The following RETREG2 variants were observed in gnomAD, a reference collection of about 807,000 sequenced individuals.
RETREG2 encodes the protein reticulophagy regulator 2.
Under a neutral mutation model 51.6 loss-of-function variants are expected in RETREG2, and 21 were observed. That is an observed-to-expected ratio of 0.41 (90% CI 0.29 to 0.59). The LOEUF is 0.59. Among genes scored for constraint, RETREG2 ranks in the 20% least tolerant of loss-of-function variants. RETREG2 has a pLI of 0.34. For synonymous variants in RETREG2, 339 were observed against 288.6 expected (o/e 1.17, Z -1.77); for missense variants, 674 against 646.0 (o/e 1.04, Z -0.47).
Position 219,182,246 on chromosome 2 carries a change from T to TC in RETREG2, c.1256dup (p.Asp420ArgfsTer40). 3.1e-6 allele frequency: 5 copies of TC among 1,613,348 alleles called. No homozygotes were observed. Among genetic ancestry groups the TC allele is most frequent in the Non-Finnish European group, 4.2e-6 (5 of 1,179,828 alleles). ...GAACACGCACTTCAATGGGGCAGGG[T>TC]CCCCCCCAGATGGAGTGAAATGCTC... is the stretch of plus-strand genomic sequence containing the variant. On this transcript the variant is annotated frameshift_variant, in exon 9 of 9. Transcript: ENST00000430297. LOFTEE classifies it high-confidence loss of function.
intron 7 of RETREG2, 59 bp from the exon 8 acceptor site, chr2:219,181,581 C>T (rs1950279743): frequency 6.2e-7 from 1 of 1,604,716 alleles, no homozygotes; most frequent in South Asian, 1.1e-5. Context: ...GGGGATGCTC[C>T]TGATAAATTG....
At chr2:219,179,944 G>A (rs866415403) in intron 3 of RETREG2, 166 bp from the exon 4 acceptor site, 3 of 1,151,210 alleles carry the variant, frequency 2.6e-6, no homozygotes, top group South Asian at 1.4e-5. Context: ...TTGGGGCAGA[G>A]GGTTGGGTCC....
At position 219,182,834 on chromosome 2, in the gene RETREG2, T is replaced by G. The variant is rs991698330; in HGVS notation, c.*205T>G. 9 of 622,328 alleles carry G rather than the reference T, an allele frequency of 1.4e-5. No individual in the cohort carries two copies. The highest frequency in any genetic ancestry group is 5.5e-5 in the African/African-American group (3 of 54,288). The allele number at this position is 622,328 out of a possible 1,614,324, so 38.6% of individuals were successfully genotyped here. ...CTGTGCCTAGGATTGGTTTTAAATT[T>G]GTAAATAATTTTCCATTTGGGTTAG... On this transcript the variant is annotated 3_prime_UTR_variant, in exon 9 of 9. Transcript: ENST00000430297.
In RETREG2 at chr2:219,181,384, A is replaced by T; in HGVS notation, c.800A>T (p.Asn267Ile). ...GCTTTTCTAGAGCGTCAGGGGAAGA[A>T]TGCACCCCCAGGAGGTGATGAGCCA... ...KHDKRKRQGKNAPPGGDEPLA... is the reference protein window; with the variant it reads ...KHDKRKRQGKIAPPGGDEPLA... Residue 267 changes from asparagine (N) to isoleucine (I), a missense_variant, in exon 7 of 9, where the codon AAT becomes ATT. Physicochemically the swap from Asn to Ile is moderately radical, Grantham distance 149 (BLOSUM62 -3). Coordinates refer to ENST00000430297, the MANE Select transcript of RETREG2 (RefSeq NM_024293.6). 1 of 1,614,064 alleles carries T rather than the reference A, an allele frequency of 6.2e-7. No individual in the cohort carries two copies. The highest frequency in any genetic ancestry group is 8.5e-7 in the Non-Finnish European group (1 of 1,180,010).
Position 219,182,790 on chromosome 2 carries a change from C to A in RETREG2, c.*161C>A. On this transcript the variant is annotated 3_prime_UTR_variant, in exon 9 of 9. Coordinates refer to ENST00000430297, the MANE Select transcript of RETREG2 (RefSeq NM_024293.6). ...CTCTGCCTGCCTGCCTGCCTGCTGTCCTGGGCATGGTGCAGTACCTGTGCC... is the reference window on the plus strand; with the variant it reads ...CTCTGCCTGCCTGCCTGCCTGCTGTACTGGGCATGGTGCAGTACCTGTGCC... 1.3e-6 allele frequency: 1 copy of A among 775,570 alleles called. No homozygotes were observed. The highest frequency in any genetic ancestry group is 1.7e-5 in the African/African-American group (1 of 57,586). 48.0% of individuals were successfully genotyped at this position (775,570 alleles called of 1,614,324 possible). A position where few individuals can be genotyped will look rare whatever the true frequency, so the allele number is the denominator to read the frequency against.
At position 219,182,010 on chromosome 2, in the gene RETREG2, C is replaced by T. The variant is rs753441233; in HGVS notation, c.1016-3C>T. The T allele has an allele frequency of 1.9e-6, 3 of 1,612,700 alleles. No homozygotes were observed. The highest frequency in any genetic ancestry group is 1.1e-5 in the South Asian group (1 of 91,042). ...CATTCTTAATTCTTTGTTCTCTGCA[C>T]AGATTTGGACCAGCAGAGCCTGCCA... On this transcript the variant is annotated splice_region_variant and splice_polypyrimidine_tract_variant and intron_variant, in intron 8 of 8. Coordinates refer to ENST00000430297, the MANE Select transcript of RETREG2 (RefSeq NM_024293.6).
At position 219,181,356 on chromosome 2, in the gene RETREG2, C is replaced by T. The variant is rs368404051; in HGVS notation, c.785-13C>T. On this transcript the variant is annotated splice_polypyrimidine_tract_variant and intron_variant, in intron 6 of 8. Transcript: ENST00000430297. ...CATGCTTGGTCATTGCTCTACTACTCTTGCTTTTCTAGAGCGTCAGGGGAA... is the reference window on the plus strand; with the variant it reads ...CATGCTTGGTCATTGCTCTACTACTTTTGCTTTTCTAGAGCGTCAGGGGAA... 1.9e-6 allele frequency: 3 copies of T among 1,613,142 alleles called. No homozygotes were observed. The highest frequency in any genetic ancestry group is 1.3e-5 in the African/African-American group (1 of 74,826).
rs1275373625 is a variant in RETREG2 at position 219,178,993 on chromosome 2, A to G, written c.353A>G (p.Asp118Gly). Residue 118 changes from aspartate to glycine, a missense_variant, in exon 2 of 9, where the codon GAT (aspartate) becomes GGT (glycine). By Grantham distance (94) the Asp-to-Gly change is moderately conservative. Coordinates refer to ENST00000430297, the MANE Select transcript of RETREG2 (RefSeq NM_024293.6). ...TCACTTTTGGCCTATTTTCTGCTGGATCTCTGGCAGCCTCGCTTTCTCCCT... is the reference window on the plus strand; with the variant it reads ...TCACTTTTGGCCTATTTTCTGCTGGGTCTCTGGCAGCCTCGCTTTCTCCCT... ...SVSLLAYFLLDLWQPRFLPDV... is the reference protein window; with the variant it reads ...SVSLLAYFLLGLWQPRFLPDV... 5 of 1,613,378 alleles carry G rather than the reference A, an allele frequency of 3.1e-6. No individual in the cohort carries two copies. Among genetic ancestry groups the G allele is most frequent in the East Asian group, 4.5e-5 (2 of 44,880 alleles).
At chr2:219,181,813 A>G (rs1197456017) in intron 8 of RETREG2, 38 bp downstream of exon 8, 1 of 1,605,476 alleles carries the variant, frequency 6.2e-7, no homozygotes, top group Non-Finnish European at 8.5e-7. Flanking sequence ...CCCCGCCACA[A>G]TCTTTGTGTT....
In RETREG2 at chr2:219,183,066, TC is replaced by T. The variant is rs1161568642; in HGVS notation, c.*439del. The stretch of plus-strand genomic sequence containing the variant: ...TTATAATTTTTCTCTTGTCTTGTGT[TC>T]CTTTCTGCTTTATTTCCCTGCTGTG... On this transcript the variant is annotated 3_prime_UTR_variant, in exon 9 of 9. Coordinates refer to ENST00000430297, the MANE Select transcript of RETREG2 (RefSeq NM_024293.6). 1 of 190,694 alleles carries T rather than the reference TC, an allele frequency of 5.2e-6. No homozygotes were observed. The highest frequency in any genetic ancestry group is 1.1e-5 in the Non-Finnish European group (1 of 89,208). The allele number at this position is 190,694 out of a possible 1,614,324, so 11.8% of individuals were successfully genotyped here. A position where few individuals can be genotyped will look rare whatever the true frequency, so the allele number is the denominator to read the frequency against.
rs1487961607 is a variant in RETREG2, at chr2:219,182,653, C to T, written c.*24C>T. 1 of 1,610,410 alleles carries T rather than the reference C, an allele frequency of 6.2e-7. No homozygotes were observed. The highest frequency in any genetic ancestry group is 1.7e-5 in the Admixed American group (1 of 59,838). ...GAGCCAGCCGTTGAGGAAGGAGCTG[C>T]AGGCACAGTAGGGCTTCCTGGCTAG... On this transcript the variant is annotated 3_prime_UTR_variant, in exon 9 of 9. Transcript: ENST00000430297.
chr2:219,180,053 TAAGTGTCTAGG>T, intron 3 of RETREG2, 46 bp from the exon 4 acceptor site: 1 of 1,602,376 alleles, frequency 6.2e-7, no homozygotes. Context: ...CAGAGGGATT[TAAGTGTCTAGG>T]AAGCTGGTAT....
Position 219,181,197 on chromosome 2 carries a change from A to G in RETREG2, c.776A>G (p.Asp259Gly). ...AEANALHHKHDKRKRQGKNAP... is the reference protein window; with the variant it reads ...AEANALHHKHGKRKRQGKNAP... ...GCCAATGCCCTGCATCACAAACACGACAAGAGGAGTAAGGGGCTGCCCTAA... is the reference window on the plus strand; with the variant it reads ...GCCAATGCCCTGCATCACAAACACGGCAAGAGGAGTAAGGGGCTGCCCTAA... The change falls in exon 6 of 9, where the codon GAC (aspartate) becomes GGC (glycine). Residue 259 changes from aspartate (D) to glycine (G), a missense_variant. Physicochemically the swap from Asp to Gly is moderately conservative, Grantham distance 94 (BLOSUM62 -1). Transcript: ENST00000430297. 6.2e-7 allele frequency: 1 copy of G among 1,614,096 alleles called. No homozygotes were observed.
rs1375897715 is a variant in RETREG2, at chr2:219,178,918, T to C, written c.282-4T>C. 1 of 1,607,596 alleles carries C rather than the reference T, an allele frequency of 6.2e-7. No homozygotes were observed. The highest frequency in any genetic ancestry group is 1.7e-5 in the Admixed American group (1 of 59,846). ...CACTGCTGAGGTGCCTGTCTCTCCC[T>C]AAGGTTGCTGTCTTCCTCGTCCCTC... On this transcript the variant is annotated splice_region_variant and splice_polypyrimidine_tract_variant and intron_variant, in intron 1 of 8. Transcript: ENST00000430297.
rs1172224447 is a variant in RETREG2 at position 219,178,448 on chromosome 2, GAGTGAGGCCACC to G, written c.105_116del (p.Thr36_Ala39del). 3 of 785,532 alleles carry G rather than the reference GAGTGAGGCCACC, an allele frequency of 3.8e-6. No homozygotes were observed. The highest frequency in any genetic ancestry group is 1.8e-5 in the African/African-American group (1 of 54,074). The allele number at this position is 785,532 out of a possible 1,614,324, so 48.7% of individuals were successfully genotyped here. ...TGGGTCTGGGTCTGAGCCTAGGCAT[GAGTGAGGCCACC>G]AGTGAGGCAGAGGAGGAGGCGGCCA... On this transcript the variant is annotated inframe_deletion, in exon 1 of 9. Transcript: ENST00000430297.
intron 8 of RETREG2, 41 bp downstream of exon 8, chr2:219,181,816 T>C: frequency 1.2e-6 from 2 of 1,605,118 alleles, no homozygotes; most frequent in Non-Finnish European, 1.7e-6. Context: ...CGCCACAATC[T>C]TTGTGTTCCC....
chr2:219,178,800 G>A, intron 1 of RETREG2, 122 bp from the exon 2 acceptor site: 3 of 1,130,806 alleles, frequency 2.7e-6, no homozygotes, highest in African/African-American at 1.6e-5. Flanking sequence ...TCTCTGAGTC[G>A]TGAGTCGCGA....
rs1200962406 is a variant in RETREG2, at chr2:219,184,482, G to GT, written c.*1854dup. On this transcript the variant is annotated 3_prime_UTR_variant, in exon 9 of 9. Coordinates refer to ENST00000430297, the MANE Select transcript of RETREG2 (RefSeq NM_024293.6). The stretch of plus-strand genomic sequence containing the variant: ...TTTATGCCATGTCTTTCCTAAGTGT[G>GT]TAAGAATTTTTCTGTTTGCTTCACA... 1 of 152,102 alleles carries GT rather than the reference G, an allele frequency of 6.6e-6. No individual in the cohort carries two copies. Among genetic ancestry groups the GT allele is most frequent in the African/African-American group, 2.4e-5 (1 of 41,414 alleles). The allele number at this position is 152,102 out of a possible 1,614,324, so 9.4% of individuals were successfully genotyped here. A position where few individuals can be genotyped will look rare whatever the true frequency, so the allele number is the denominator to read the frequency against.
chr2:219,179,945 G>A, intron 3 of RETREG2, 165 bp from the exon 4 acceptor site: 3 of 1,150,486 alleles, frequency 2.6e-6, no homozygotes, highest in Non-Finnish European at 3.8e-6. Context: ...TGGGGCAGAG[G>A]GTTGGGTCCT....
Sources: gnomAD v4.1 joint callset for allele counts on GRCh38, gnomAD v4.1.1 for gene constraint, MANE v1.5 for transcripts, NCBI Gene and HGNC (gene_info 2026-07-23, HGNC 2026-07-21) for gene names.